PRR16: variants seen among roughly 807,000 people sequenced by gnomAD.
PRR16 encodes the protein protein Largen.
A neutral mutation model predicts 18.2 loss-of-function variants in PRR16; 6 were observed. The ratio of observed to expected loss-of-function variants is 0.33; its 90% CI spans 0.18 to 0.65. The LOEUF (loss-of-function observed/expected upper bound fraction) is 0.65. Among genes scored for constraint, PRR16 ranks in the 30% least tolerant of loss-of-function variants. PRR16 has a pLI of 0.74. For missense variants in PRR16, 412 were observed against 376.6 expected (o/e 1.09, Z -0.78); for synonymous variants, 151 against 147.8 (o/e 1.02, Z -0.16).
At chr5:120,674,300 A>G (rs980721127) in intron 1 of PRR16, among the ~76,000 whole-genome samples, 1 of 152,074 alleles carries the variant, frequency 6.6e-6, no homozygotes, top group Admixed American at 6.6e-5. Flanking sequence ...TGTTCCTTGG[A>G]TCCTATGCAT....
chr5:120,697,556 C>G, the PRR16 span, among the ~76,000 whole-genome samples: 3 of 152,244 alleles, frequency 2.0e-5, no homozygotes, highest in East Asian at 5.8e-4. Flanking sequence ...TCATGCGCGT[C>G]CATGTGAAGA....
the PRR16 span, among the ~76,000 whole-genome samples, chr5:120,792,179 C>T: frequency 1.3e-5 from 2 of 152,148 alleles, no homozygotes; most frequent in Non-Finnish European, 2.9e-5. Context: ...TGTGCATATA[C>T]TCAGTGATAA....
intron 1 of PRR16, among the ~76,000 whole-genome samples, chr5:120,535,174 G>C (rs1237858357): frequency 6.6e-6 from 1 of 151,932 alleles, no homozygotes; most frequent in African/African-American, 2.4e-5. Context: ...TAGCATTGCA[G>C]ATTTTGGCAA....
chr5:120,680,804 G>A (rs1443216408), intron 1 of PRR16, among the ~76,000 whole-genome samples: 1 of 152,150 alleles, frequency 6.6e-6, no homozygotes, highest in African/African-American at 2.4e-5. Flanking sequence ...GACTGAGTGT[G>A]TGGTTTTTAG....
chr5:120,552,431 G>T lies in PRR16; in HGVS notation c.159+87786G>T, dbSNP rs1217160405. Among the ~76,000 whole-genome samples the T allele has an allele frequency of 2.6e-5, 4 of 151,812 alleles. No individual in the cohort carries two copies. In the East Asian group the frequency reaches 5.8e-4, roughly 22 times the overall value. On this transcript the variant is annotated intron_variant, in intron 1 of 1. Coordinates refer to ENST00000407149, the MANE Select transcript of PRR16 (RefSeq NM_001300783.2). ...TTTTGGACAAAGTCAGATGGAAATT[G>T]TAAGGCAGTTACTGAAACACAATAT...
At chr5:120,522,741 G>A (rs1026216948) in intron 1 of PRR16, among the ~76,000 whole-genome samples, 3 of 152,074 alleles carry the variant, frequency 2.0e-5, no homozygotes, top group Non-Finnish European at 4.4e-5. Context: ...GAGTAACTGG[G>A]ACTACAGGCG....
chr5:120,561,800 AC>A (rs2112718337), intron 1 of PRR16, among the ~76,000 whole-genome samples: 1 of 151,944 alleles, frequency 6.6e-6, no homozygotes, highest in African/African-American at 2.4e-5. Context: ...ATAAGGAGAA[AC>A]CTGTTTCTCT....
At chr5:120,723,743 ACTT>A in the PRR16 span, among the ~76,000 whole-genome samples, 1 of 151,808 alleles carries the variant, frequency 6.6e-6, no homozygotes, top group Non-Finnish European at 1.5e-5. Context: ...CAGGCCATGT[ACTT>A]CTTGTTCATT....
chr5:120,780,773 G>A, the PRR16 span, among the ~76,000 whole-genome samples: 1 of 151,862 alleles, frequency 6.6e-6, no homozygotes, highest in African/African-American at 2.4e-5. Context: ...TATAATTTCC[G>A]GCCGGGCGGG....
the PRR16 span, among the ~76,000 whole-genome samples, chr5:120,794,054 A>T: frequency 6.6e-6 from 1 of 152,152 alleles, no homozygotes; most frequent in Non-Finnish European, 1.5e-5. Context: ...CAACAAATGT[A>T]GGTATGTTTA....
intron 1 of PRR16, among the ~76,000 whole-genome samples, chr5:120,483,653 A>G (rs1749694863): frequency 6.6e-6 from 1 of 152,128 alleles, no homozygotes; most frequent in South Asian, 2.1e-4. Flanking sequence ...TAAACAGAAG[A>G]AACTAATTTT....
chr5:120,770,950 T>TCTCACACA, the PRR16 span, among the ~76,000 whole-genome samples: 33 of 148,968 alleles, frequency 2.2e-4, no homozygotes, highest in Middle Eastern at 7.0e-3. Context: ...TCTCTCTCTC[T>TCTCACACA]CACACACACA....
intron 1 of PRR16, among the ~76,000 whole-genome samples, chr5:120,676,299 C>G (rs1220246576): frequency 6.6e-6 from 1 of 152,112 alleles, no homozygotes; most frequent in Non-Finnish European, 1.5e-5. Flanking sequence ...TGTATTGCTC[C>G]TAAAACATCT....
chr5:120,679,655 A>G (rs532693314), intron 1 of PRR16, among the ~76,000 whole-genome samples: 15 of 152,270 alleles, frequency 9.9e-5, no homozygotes, highest in African/African-American at 3.4e-4. Context: ...TTAGATATTT[A>G]CTATTCAACC....
chr5:120,756,699 G>A, the PRR16 span, among the ~76,000 whole-genome samples: 974 of 151,988 alleles, frequency 6.4e-3, 11 homozygotes, highest in African/African-American at 0.023. Flanking sequence ...TTAGACCTTT[G>A]TTGGGTTCAT....
chr5:120,601,271 G>A (rs1407530560), intron 1 of PRR16, among the ~76,000 whole-genome samples: 2 of 151,808 alleles, frequency 1.3e-5, no homozygotes, highest in Non-Finnish European at 1.5e-5. Context: ...GCCCTTCTGA[G>A]TGGTGGGAGA....
chr5:120,697,357 G>A, the PRR16 span, among the ~76,000 whole-genome samples: 1 of 152,212 alleles, frequency 6.6e-6, no homozygotes, highest in South Asian at 2.1e-4. Flanking sequence ...AATGATCTCC[G>A]TGTCAGACAC....
chr5:120,754,497 T>TATA, the PRR16 span, among the ~76,000 whole-genome samples: 63 of 47,382 alleles, frequency 1.3e-3, 3 homozygotes, highest in East Asian at 3.5e-3. Context: ...ATAGTATGTA[T>TATA]TTTATTATGT....
chr5:120,469,849 T>A (rs916166494), intron 1 of PRR16, among the ~76,000 whole-genome samples: 1 of 152,176 alleles, frequency 6.6e-6, no homozygotes, highest in Non-Finnish European at 1.5e-5. Context: ...TAGCCAATAA[T>A]CATCCATCAC....
Sources: allele counts gnomAD v4.1 joint callset (sites outside exome capture counted in the v4.1 genomes callset), GRCh38; gene constraint gnomAD v4.1.1; transcripts MANE v1.5; gene names NCBI Gene and HGNC (gene_info 2026-07-23, HGNC 2026-07-21).